Variants in HCN2 observed in about 807,000 individuals in gnomAD.
The protein encoded by HCN2 is hyperpolarization activated cyclic nucleotide gated potassium and sodium channel 2.
Under a neutral mutation model 52.3 loss-of-function variants are expected in HCN2, and 20 were observed. The ratio of observed to expected loss-of-function variants is 0.38; its 90% CI spans 0.27 to 0.56. The LOEUF (loss-of-function observed/expected upper bound fraction) is 0.56. Among genes scored for constraint, HCN2 ranks in the 20% least tolerant of loss-of-function variants. The probability of loss-of-function intolerance (pLI) is 0.71; values close to 1 mark genes in which losing one functional copy is unlikely to be tolerated. For synonymous variants in HCN2, 694 were observed against 537.0 expected (o/e 1.29, Z -4.04); for missense variants, 981 against 1,207.7 (o/e 0.81, Z 2.78).
Position 592,318 on chromosome 19 carries a change from T to A in HCN2, c.632+1741T>A, listed in dbSNP as rs1982898052. On this transcript the variant is annotated intron_variant, in intron 1 of 7. Coordinates refer to ENST00000251287, the MANE Select transcript of HCN2 (RefSeq NM_001194.4). This position sits in a 1 kb window ranked among gnomAD's most constrained non-coding sequence, Gnocchi z 4.8. Reference sequence around the variant, plus strand: ...GGCCCACACCAGCCACTCCCTCCCCTGGGCAGCTCCAGCGACCCCCTGGCT... The same window carrying A: ...GGCCCACACCAGCCACTCCCTCCCCAGGGCAGCTCCAGCGACCCCCTGGCT... Among the ~76,000 whole-genome samples, 2 of 152,126 alleles carry A rather than the reference T, an allele frequency of 1.3e-5. No homozygotes were observed. Among genetic ancestry groups the A allele is most frequent in the South Asian group, 4.1e-4 (2 of 4,826 alleles).
Position 615,974 on chromosome 19 carries a change from A to C in HCN2, c.2170A>C (p.Thr724Pro), listed in dbSNP as rs755149784. The change falls in exon 8 of 8, where the codon ACC becomes CCC. Residue 724 changes from threonine (T) to proline (P), a missense_variant. Physicochemically the swap from Thr to Pro is conservative, Grantham distance 38. Transcript: ENST00000251287. ...FPPPPPPPQV[T>P]SAIATLQQAA... ...GCCGCCGCCGCCGCCGCCGCAGGTC[A>C]CCTCGGCCATCGCCACGCTGCAGCA... The C allele has an allele frequency of 1.3e-6, 2 of 1,597,620 alleles. No individual in the cohort carries two copies. The highest frequency in any genetic ancestry group is 1.7e-6 in the Non-Finnish European group (2 of 1,175,048).
At chr19:614,515 G>A (rs568684575) in intron 7 of HCN2, among the ~76,000 whole-genome samples, 3 of 152,166 alleles carry the variant, frequency 2.0e-5, no homozygotes, top group Non-Finnish European at 2.9e-5. Flanking sequence ...TGGAGACCAG[G>A]GTAAGGGATG....
rs75939925 is a variant in HCN2, at chr19:594,283, C to T, written c.632+3706C>T. On this transcript the variant is annotated intron_variant, in intron 1 of 7. Transcript: ENST00000251287. ...GACCTGGGCAGATCCGGGGTTTGTG[C>T]CCTGGGAGCTCTGGGGGGCACAGGG... is the stretch of plus-strand genomic sequence containing the variant. Among the ~76,000 whole-genome samples, 89 of 152,230 alleles carry T rather than the reference C, an allele frequency of 5.8e-4. 2 individuals are homozygous for T. In the East Asian group the frequency reaches 0.011, roughly 19 times the overall value.
intron 1 of HCN2, among the ~76,000 whole-genome samples, chr19:594,279 T>C (rs2144504254): frequency 6.6e-6 from 1 of 152,192 alleles, no homozygotes; most frequent in East Asian, 1.9e-4. Context: ...ATCCGGGGTT[T>C]GTGCCCTGGG....
At chr19:604,965 C>T (rs541580668) in intron 2 of HCN2, 96 bp from the exon 3 acceptor site, 14 of 1,317,196 alleles carry the variant, frequency 1.1e-5, no homozygotes, top group Non-Finnish European at 1.3e-5. Flanking sequence ...GGGGAGGGGG[C>T]CAGGAGCTCC....
intron 5 of HCN2, among the ~76,000 whole-genome samples, chr19:612,785 A>G (rs1035032252): frequency 1.4e-4 from 20 of 144,774 alleles, no homozygotes; most frequent in African/African-American, 4.9e-4. Context: ...GCTGGAGGGC[A>G]GTGGTGTGGG....
At chr19:600,264 C>T (rs12462928) in intron 1 of HCN2, among the ~76,000 whole-genome samples, 11,315 of 152,156 alleles carry the variant, frequency 0.074, 971 homozygotes, top group African/African-American at 0.19. Flanking sequence ...CCTCCACCTC[C>T]CGGGTTCAAA....
In HCN2 at chr19:615,971, G is replaced by C. The variant is rs753793346; in HGVS notation, c.2167G>C (p.Val723Leu). 6 of 1,599,876 alleles carry C rather than the reference G, an allele frequency of 3.8e-6. No homozygotes were observed. Among genetic ancestry groups the C allele is most frequent in the African/African-American group, 1.3e-5 (1 of 74,432 alleles). ...CCCGCCGCCGCCGCCGCCGCCGCAGGTCACCTCGGCCATCGCCACGCTGCA... is the reference window on the plus strand; with the variant it reads ...CCCGCCGCCGCCGCCGCCGCCGCAGCTCACCTCGGCCATCGCCACGCTGCA... ...LFPPPPPPPQ[V>L]TSAIATLQQA... is the part of the protein sequence containing the mutation. Residue 723 changes from valine to leucine, a missense_variant, in exon 8 of 8, where the codon GTC (valine) becomes CTC (leucine). Physicochemically the swap from Val to Leu is conservative, Grantham distance 32. Transcript: ENST00000251287.
rs557224533 is a variant in HCN2 at position 612,700 on chromosome 19, C to A, written c.1585-548C>A. 2.0e-5 allele frequency among the ~76,000 whole-genome samples: 3 copies of A among 151,874 alleles called. No individual in the cohort carries two copies. The South Asian group carries it at 6.3e-4, about 32-fold the overall frequency. Reference sequence around the variant, plus strand: ...AGAGTGCTGGGATTACAGGTGTGAGCCACCACGCCCGGCCTTATTTTTCCC... The same window carrying A: ...AGAGTGCTGGGATTACAGGTGTGAGACACCACGCCCGGCCTTATTTTTCCC... On this transcript the variant is annotated intron_variant, in intron 5 of 7. Coordinates refer to ENST00000251287, the MANE Select transcript of HCN2 (RefSeq NM_001194.4).
chr19:616,224 C>T lies in HCN2; in HGVS notation c.2420C>T (p.Ala807Val). The change falls in exon 8 of 8, where the codon GCC becomes GTC. Residue 807 changes from alanine (A) to valine (V), a missense_variant. Coordinates refer to ENST00000251287, the MANE Select transcript of HCN2 (RefSeq NM_001194.4). ...CCCGCCGCCCCCCTTGCTGGGCCCG[C>T]CCTGCCCGCGCGCCGCCTGAGCCGC... is the stretch of plus-strand genomic sequence containing the variant. ...GLPAAPLAGP[A>V]LPARRLSRAS... 2.0e-5 allele frequency: 20 copies of T among 992,442 alleles called. No individual in the cohort carries two copies. The highest frequency in any genetic ancestry group is 2.4e-5 in the Non-Finnish European group (20 of 836,966). 61.5% of individuals were successfully genotyped at this position (992,442 alleles called of 1,614,324 possible).
chr19:613,879 G>A lies in HCN2; in HGVS notation c.1853G>A (p.Arg618His). The part of the protein sequence containing the change: ...GEICLLTRGR[R>H]TASVRADTYC... Reference sequence around the variant, plus strand: ...ATCTGCCTGCTCACCCGGGGCCGCCGCACGGCGAGCGTGCGGGCTGACACC... The same window carrying A: ...ATCTGCCTGCTCACCCGGGGCCGCCACACGGCGAGCGTGCGGGCTGACACC... Residue 618 changes from arginine (R) to histidine (H), a missense_variant, in exon 7 of 8, where the codon CGC becomes CAC. Coordinates refer to ENST00000251287, the MANE Select transcript of HCN2 (RefSeq NM_001194.4). 2 of 1,589,762 alleles carry A rather than the reference G, an allele frequency of 1.3e-6. No homozygotes were observed. The highest frequency in any genetic ancestry group is 1.7e-5 in the Admixed American group (1 of 58,004).
At chr19:609,690 C>T (rs971327257) in intron 4 of HCN2, among the ~76,000 whole-genome samples, 9 of 152,128 alleles carry the variant, frequency 5.9e-5, no homozygotes, top group Non-Finnish European at 1.2e-4. Context: ...CCCTTGAGCC[C>T]AGGAGTTCAA....
intron 1 of HCN2, among the ~76,000 whole-genome samples, chr19:601,469 C>T (rs1568363076): frequency 6.6e-6 from 1 of 152,158 alleles, no homozygotes. Context: ...GTGATGGGCA[C>T]CTGGGCTGCC....
Position 590,530 on chromosome 19 carries a change from C to T in HCN2, c.585C>T (p.Arg195=), listed in dbSNP as rs1212155304. 1 of 1,511,036 alleles carries T rather than the reference C, an allele frequency of 6.6e-7. No individual in the cohort carries two copies. Among genetic ancestry groups the T allele is most frequent in the Non-Finnish European group, 8.9e-7 (1 of 1,122,968 alleles). 93.6% of individuals were successfully genotyped at this position (1,511,036 alleles called of 1,614,324 possible). A position where few individuals can be genotyped will look rare whatever the true frequency, so the allele number is the denominator to read the frequency against. Residue 195 remains arginine, a synonymous_variant, in exon 1 of 8, where the codon CGC becomes CGT. Coordinates refer to ENST00000251287, the MANE Select transcript of HCN2 (RefSeq NM_001194.4). This position sits in a 1 kb window ranked among gnomAD's most constrained non-coding sequence, Gnocchi z 7.2. ...AGGCCGTGGAGCGCGAGCAGGAGCG[C>T]GTCAAGTCGGCGGGGGCCTGGATCA... The part of the protein sequence containing the change: ...SQKAVEREQE[R]VKSAGAWIIH...
chr19:612,080 G>A (rs185002514), intron 5 of HCN2, among the ~76,000 whole-genome samples: 1,886 of 152,152 alleles, frequency 0.012, 15 homozygotes, highest in Middle Eastern at 0.027. Flanking sequence ...AGGAGGCGGC[G>A]GTTGCAGTGA....
In HCN2 at chr19:616,203, C is replaced by T; in HGVS notation, c.2399C>T (p.Ala800Val). ...PRTSPYGGLPAAPLAGPALPA... is the reference protein window; with the variant it reads ...PRTSPYGGLPVAPLAGPALPA... The stretch of plus-strand genomic sequence containing the variant: ...ACCTCGCCCTACGGCGGCCTGCCCG[C>T]CGCCCCCCTTGCTGGGCCCGCCCTG... The change falls in exon 8 of 8, where the codon GCC becomes GTC. Residue 800 changes from alanine to valine, a missense_variant. Ala to Val is a moderately conservative substitution (Grantham distance 64). Coordinates refer to ENST00000251287, the MANE Select transcript of HCN2 (RefSeq NM_001194.4). 4.1e-6 allele frequency: 4 copies of T among 984,972 alleles called. No individual in the cohort carries two copies. The highest frequency in any genetic ancestry group is 4.5e-5 in the South Asian group (1 of 22,430). 61.0% of individuals were successfully genotyped at this position (984,972 alleles called of 1,614,324 possible). A position where few individuals can be genotyped will look rare whatever the true frequency, so the allele number is the denominator to read the frequency against.
intron 7 of HCN2, 123 bp downstream of exon 7, chr19:614,139 G>T: frequency 2.9e-6 from 2 of 687,114 alleles, no homozygotes; most frequent in Non-Finnish European, 4.3e-6. Context: ...TCAGGGGCAC[G>T]GTTGGGGCAG....
At position 590,548 on chromosome 19, in the gene HCN2, C is replaced by A; in HGVS notation, c.603C>A (p.Ala201=). Residue 201 remains alanine, a synonymous_variant, in exon 1 of 8, where the codon GCC becomes GCA. Coordinates refer to ENST00000251287, the MANE Select transcript of HCN2 (RefSeq NM_001194.4). The surrounding 1 kb of genome is among the most constrained non-coding windows in gnomAD (Gnocchi z 7.2). The part of the protein sequence containing the change: ...REQERVKSAG[A]WIIHPYSDFR... ...AGGAGCGCGTCAAGTCGGCGGGGGC[C>A]TGGATCATCCACCCGTACAGCGACT... 6.7e-7 allele frequency: 1 copy of A among 1,501,356 alleles called. No homozygotes were observed. The highest frequency in any genetic ancestry group is 9.0e-7 in the Non-Finnish European group (1 of 1,117,234). 93.0% of individuals were successfully genotyped at this position (1,501,356 alleles called of 1,614,324 possible).
At chr19:599,309 C>T (rs1168206643) in intron 1 of HCN2, among the ~76,000 whole-genome samples, 2 of 152,234 alleles carry the variant, frequency 1.3e-5, no homozygotes, top group Non-Finnish European at 2.9e-5. Flanking sequence ...AGCAAGGAGC[C>T]GACTTTCGGC....
Sources: allele counts gnomAD v4.1 joint callset (sites outside exome capture counted in the v4.1 genomes callset), GRCh38; gene constraint gnomAD v4.1.1; non-coding constraint Gnocchi (gnomAD v3.1); transcripts MANE v1.5; gene names NCBI Gene and HGNC (gene_info 2026-07-23, HGNC 2026-07-21).